The following KRT75 variants were observed in gnomAD, a reference collection of about 807,000 sequenced individuals.
KRT75 encodes the protein keratin, type II cytoskeletal 75.
Under a neutral mutation model 48.8 loss-of-function variants are expected in KRT75, and 35 were observed. The observed-to-expected ratio is 0.72, with a 90% CI of 0.55 to 0.95. The LOEUF (loss-of-function observed/expected upper bound fraction) is 0.95, where lower values mean the gene tolerates loss of function less well. KRT75 is among the 40% of genes least tolerant of loss of function. The pLI is 0.00. For synonymous variants in KRT75, 301 were observed against 282.3 expected (o/e 1.07, Z -0.66); for missense variants, 776 against 709.9 (o/e 1.09, Z -1.06).
At position 52,428,358 on chromosome 12, in the gene KRT75, A is replaced by ATGTCCTGCT; in HGVS notation, c.1271_1279dup (p.Lys424_Asp426dup). ...CTGGTACTCACGCAGGAGCCGAGCC[A>ATGTCCTGCT]TGTCCTGCTTGGCCTTCTGCAGGGC... On this transcript the variant is annotated inframe_insertion, in exon 7 of 9. Coordinates refer to ENST00000252245, the MANE Select transcript of KRT75 (RefSeq NM_004693.3). The ATGTCCTGCT allele has an allele frequency of 6.2e-7, 1 of 1,614,046 alleles. No individual in the cohort carries two copies. The highest frequency in any genetic ancestry group is 8.5e-7 in the Non-Finnish European group (1 of 1,180,030).
At chr12:52,426,280 C>G (rs1429764046) in intron 8 of KRT75, among the ~76,000 whole-genome samples, 1 of 152,228 alleles carries the variant, frequency 6.6e-6, no homozygotes, top group African/African-American at 2.4e-5. Context: ...TTATGCTGCC[C>G]TTACTGCCTT....
At chr12:52,430,507 C>A (rs532111170) in intron 5 of KRT75, 34 bp downstream of exon 5, 6 of 1,608,312 alleles carry the variant, frequency 3.7e-6, no homozygotes, top group South Asian at 3.3e-5. Flanking sequence ...AGAACACTAA[C>A]CCTGGAACCT....
Position 52,433,193 on chromosome 12 carries a change from C to T in KRT75, c.558G>A (p.Glu186=), listed in dbSNP as rs1263801985. 1 of 1,614,182 alleles carries T rather than the reference C, an allele frequency of 6.2e-7. No individual in the cohort carries two copies. The highest frequency in any genetic ancestry group is 8.5e-7 in the Non-Finnish European group (1 of 1,180,030). Residue 186 remains glutamate (E), a synonymous_variant, in exon 2 of 9, where the codon GAG becomes GAA. Transcript: ENST00000252245. The stretch of plus-strand genomic sequence containing the variant: ...TCTGCCTCACAGTCCTGGAGCCCTG[C>T]TCCTGCAGGAGGGCCCACTTGGTCT... ...VLETKWALLQ[E]QGSRTVRQNL...
chr12:52,426,279 C>T (rs1268205050), intron 8 of KRT75, among the ~76,000 whole-genome samples: 1 of 152,208 alleles, frequency 6.6e-6, no homozygotes, highest in Non-Finnish European at 1.5e-5. Context: ...TTTATGCTGC[C>T]CTTACTGCCT....
Position 52,430,596 on chromosome 12 carries a change from T to A in KRT75, c.980A>T (p.Tyr327Phe). 6.2e-7 allele frequency: 1 copy of A among 1,614,152 alleles called. No individual in the cohort carries two copies. Among genetic ancestry groups the A allele is most frequent in the Non-Finnish European group, 8.5e-7 (1 of 1,180,024 alleles). Reference sequence around the variant, plus strand: ...CCGGCTGCGGTTGGCAATGTCCTCGTATTGTGCTTTGACCTCGGCGATGAT... The same window carrying A: ...CCGGCTGCGGTTGGCAATGTCCTCGAATTGTGCTTTGACCTCGGCGATGAT... ...DSIIAEVKAQYEDIANRSRAE... is the reference protein window; with the variant it reads ...DSIIAEVKAQFEDIANRSRAE... The change falls in exon 5 of 9, where the codon TAC becomes TTC. Residue 327 changes from tyrosine (Y) to phenylalanine (F), a missense_variant. Tyr to Phe is a conservative substitution (Grantham distance 22). Coordinates refer to ENST00000252245, the MANE Select transcript of KRT75 (RefSeq NM_004693.3).
chr12:52,432,176 G>T, intron 2 of KRT75, 110 bp from the exon 3 acceptor site: 1 of 1,032,704 alleles, frequency 9.7e-7, no homozygotes, highest in South Asian at 1.3e-5. Context: ...CTCTTCTGCT[G>T]ACCTGGGCAT....
In KRT75 at chr12:52,424,357, G is replaced by A; in HGVS notation, c.*160C>T. On this transcript the variant is annotated 3_prime_UTR_variant, in exon 9 of 9. Transcript: ENST00000252245. ...CTGGCAGTCTGGGCACTGTCAGGAG[G>A]GAGAGGCTGGCTTAGGCCTGGGAAT... is the stretch of plus-strand genomic sequence containing the variant. 2.6e-6 allele frequency: 2 copies of A among 760,792 alleles called. No homozygotes were observed. The highest frequency in any genetic ancestry group is 3.7e-4 in the Middle Eastern group (1 of 2,732). The allele number at this position is 760,792 out of a possible 1,614,324, so 47.1% of individuals were successfully genotyped here.
At chr12:52,427,806 T>C (rs1940092316) in intron 7 of KRT75, among the ~76,000 whole-genome samples, 1 of 152,206 alleles carries the variant, frequency 6.6e-6, no homozygotes, top group Non-Finnish European at 1.5e-5. Flanking sequence ...AAAGCTCCCA[T>C]GAAGCTTTGC....
In KRT75 at chr12:52,434,105, C is replaced by T. The variant is rs757550274; in HGVS notation, c.200G>A (p.Gly67Asp). 2 of 1,614,008 alleles carry T rather than the reference C, an allele frequency of 1.2e-6. No individual in the cohort carries two copies. Among genetic ancestry groups the T allele is most frequent in the African/African-American group, 1.3e-5 (1 of 74,916 alleles). The change falls in exon 1 of 9, where the codon GGT becomes GAT. Residue 67 changes from glycine to aspartate, a missense_variant. Coordinates refer to ENST00000252245, the MANE Select transcript of KRT75 (RefSeq NM_004693.3). Reference protein sequence around the residue: ...FGSRSLYNLGGAKRVSINGCG... With the variant: ...FGSRSLYNLGDAKRVSINGCG... ...CCCATTGATGGAGACCCGCTTGGCA[C>T]CCCCCAGGTTGTAGAGGCTGCGGCT...
chr12:52,430,699 A>G lies in KRT75; in HGVS notation c.877T>C (p.Ser293Pro), dbSNP rs554384613. Residue 293 changes from serine (S) to proline (P), a missense_variant, in exon 5 of 9, where the codon TCC (serine) becomes CCC (proline). Ser to Pro is a moderately conservative substitution (Grantham distance 74). Coordinates refer to ENST00000252245, the MANE Select transcript of KRT75 (RefSeq NM_004693.3). ...FIHSVFDAEL[S>P]QLQTQVGDTS... is the part of the protein sequence containing the mutation. ...TCACCGACCTGGGTCTGCAACTGGG[A>G]CAGCTCCTGCAGGGCAGTAAACTCA... 19 of 1,614,194 alleles carry G rather than the reference A, an allele frequency of 1.2e-5. No individual in the cohort carries two copies. In the South Asian group the frequency reaches 2.0e-4, roughly 17 times the overall value.
At chr12:52,433,781 A>G in intron 1 of KRT75, 26 bp downstream of exon 1, 4 of 1,613,916 alleles carry the variant, frequency 2.5e-6, no homozygotes, top group Non-Finnish European at 3.4e-6. Flanking sequence ...CCCAAACCCA[A>G]GGGGGTGGAT....
chr12:52,425,116 G>T (rs115461360), intron 8 of KRT75, among the ~76,000 whole-genome samples: 1 of 121,456 alleles, frequency 8.2e-6, no homozygotes, highest in Non-Finnish European at 1.9e-5. Context: ...GGATGCTTAT[G>T]GGGGGAGGGG....
chr12:52,426,079 TA>T (rs1328900416), intron 8 of KRT75, among the ~76,000 whole-genome samples: 1 of 152,164 alleles, frequency 6.6e-6, no homozygotes, highest in Non-Finnish European at 1.5e-5. Context: ...GAATTGCCCT[TA>T]TGAATGCCCA....
In KRT75 at chr12:52,428,677, A is replaced by C; in HGVS notation, c.1102T>G (p.Ser368Ala). 3 of 1,614,166 alleles carry C rather than the reference A, an allele frequency of 1.9e-6. No individual in the cohort carries two copies. The highest frequency in any genetic ancestry group is 2.5e-6 in the Non-Finnish European group (3 of 1,180,034). Reference sequence around the variant, plus strand: ...CTCTGGATCATGCGGTTCATTTCAGAGATCTCTTGTTTGGTGTTTCGAAGG... The same window carrying C: ...CTCTGGATCATGCGGTTCATTTCAGCGATCTCTTGTTTGGTGTTTCGAAGG... ...DDLRNTKQEISEMNRMIQRLR... is the reference protein window; with the variant it reads ...DDLRNTKQEIAEMNRMIQRLR... The change falls in exon 6 of 9, where the codon TCT (serine) becomes GCT (alanine). Residue 368 changes from serine to alanine, a missense_variant. Ser to Ala is a moderately conservative substitution (Grantham distance 99, BLOSUM62 1). Transcript: ENST00000252245.
rs763198038 is a variant in KRT75, at chr12:52,428,782, G to A, written c.1036-39C>T. The A allele has an allele frequency of 4.3e-6, 7 of 1,612,954 alleles. 1 individual carries two copies. In the South Asian group the frequency reaches 6.6e-5, roughly 15 times the overall value. On this transcript the variant is annotated intron_variant, in intron 5 of 8. Transcript: ENST00000252245. Reference sequence around the variant, plus strand: ...AGCAAACCCAGTCACTGAGTCAAATGCCTGGCCCAGGCACTCGCTGTGCAC... The same window carrying A: ...AGCAAACCCAGTCACTGAGTCAAATACCTGGCCCAGGCACTCGCTGTGCAC...
rs571723596 is a variant in KRT75, at chr12:52,434,309, G to A, written c.-5C>T. On this transcript the variant is annotated 5_prime_UTR_variant, in exon 1 of 9. Coordinates refer to ENST00000252245, the MANE Select transcript of KRT75 (RefSeq NM_004693.3). The stretch of plus-strand genomic sequence containing the variant: ...GATGGAGGACTGCCGAGACATGGTG[G>A]GTGAGGAAGGCCGGCGAGAAGGCAC... 12 of 1,584,762 alleles carry A rather than the reference G, an allele frequency of 7.6e-6. 1 individual carries two copies. In the South Asian group the frequency reaches 1.2e-4, roughly 16 times the overall value.
chr12:52,424,844 TG>T (rs1940058482), intron 8 of KRT75, 89 bp from the exon 9 acceptor site: 3 of 1,074,230 alleles, frequency 2.8e-6, no homozygotes, highest in Non-Finnish European at 4.3e-6. Context: ...AGTCCTTGGG[TG>T]GGGAGGGGGT....
Position 52,434,251 on chromosome 12 carries a change from G to A in KRT75, c.54C>T (p.Ser18=). The A allele has an allele frequency of 6.3e-7, 1 of 1,589,564 alleles. No homozygotes were observed. Among genetic ancestry groups the A allele is most frequent in the Non-Finnish European group, 8.5e-7 (1 of 1,169,982 alleles). Residue 18 remains serine (S), a synonymous_variant, in exon 1 of 9, where the codon AGC becomes AGT. Coordinates refer to ENST00000252245, the MANE Select transcript of KRT75 (RefSeq NM_004693.3). ...CTGCCGGGGTGATGGCCGAGGTGGT[G>A]CTGAAGCCCCTGCGGCTGCCAGACT... is the stretch of plus-strand genomic sequence containing the variant. ...TFQSGSRRGF[S]TTSAITPAAG...
intron 2 of KRT75, among the ~76,000 whole-genome samples, chr12:52,432,674 A>G (rs1002985579): frequency 9.9e-5 from 15 of 152,182 alleles, no homozygotes; most frequent in Non-Finnish European, 2.1e-4. Flanking sequence ...TCTTCACTCT[A>G]CAGTGAATGC....
Sources: allele counts gnomAD v4.1 joint callset (sites outside exome capture counted in the v4.1 genomes callset), GRCh38; gene constraint gnomAD v4.1.1; transcripts MANE v1.5; gene names NCBI Gene and HGNC (gene_info 2026-07-23, HGNC 2026-07-21).